GPR141: variants seen among roughly 807,000 people sequenced by gnomAD.
GPR141 encodes G protein-coupled receptor 141, also known as probable G protein-coupled receptor 141.
Under a neutral mutation model 6.8 loss-of-function variants are expected in GPR141, and 6 were observed. The observed-to-expected ratio is 0.88, with a 90% CI of 0.48 to 1.74. The LOEUF (loss-of-function observed/expected upper bound fraction) is 1.74. GPR141 is among the 40% of genes most tolerant of loss of function. The pLI, the probability that GPR141 is intolerant of heterozygous loss-of-function variation, is 0.01. For missense variants in GPR141, 372 were observed against 372.9 expected, an observed-to-expected ratio of 1.00 and a Z score of 0.02; for synonymous variants, 140 against 142.3, an observed-to-expected ratio of 0.98 and a Z score of 0.11.
chr7:37,696,122 G>A (rs1368131436), intron 2 of GPR141, among the ~76,000 whole-genome samples: 1 of 152,176 alleles, frequency 6.6e-6, no homozygotes, highest in Admixed American at 6.5e-5. Flanking sequence ...ATAATAGTGT[G>A]AAAGCAATAC....
At chr7:37,731,307 G>T (rs557948462) in intron 2 of GPR141, among the ~76,000 whole-genome samples, 1 of 152,326 alleles carries the variant, frequency 6.6e-6, no homozygotes, top group South Asian at 2.1e-4. Context: ...GTGGGGAGGT[G>T]ATTGTCCAGC....
At chr7:37,699,650 C>G (rs1810191560) in intron 2 of GPR141, among the ~76,000 whole-genome samples, 1 of 152,124 alleles carries the variant, frequency 6.6e-6, no homozygotes, top group African/African-American at 2.4e-5. Flanking sequence ...GGCCCTTTGG[C>G]TATAGTTTGC....
chr7:37,735,559 C>T (rs916014579), intron 2 of GPR141, among the ~76,000 whole-genome samples: 5 of 152,088 alleles, frequency 3.3e-5, no homozygotes, highest in African/African-American at 1.2e-4. Context: ...GCAAACAAGG[C>T]TTGACTCAAA....
chr7:37,713,737 C>T (rs1810916378), intron 2 of GPR141, among the ~76,000 whole-genome samples: 1 of 152,142 alleles, frequency 6.6e-6, no homozygotes, highest in South Asian at 2.1e-4. Context: ...GCAGAATACC[C>T]ATCAGTTATA....
intron 2 of GPR141, among the ~76,000 whole-genome samples, chr7:37,720,738 CAAAAAAA>C (rs543342332): frequency 1.7e-5 from 1 of 58,686 alleles, no homozygotes; most frequent in African/African-American, 6.2e-5. Flanking sequence ...GACTCCGTCT[CAAAAAAA>C]AAAAAAAAAA....
rs553570959 is a variant in GPR141 at position 37,743,777 on chromosome 7, A to G, written c.*2466A>G. On this transcript the variant is annotated 3_prime_UTR_variant, in exon 3 of 3. Coordinates refer to ENST00000334425, the MANE Select transcript of GPR141 (RefSeq NM_001381946.1). ...TGTTCTCAAAAGATAGAAATGCAAT[A>G]TTTCATAATATAAAATATCTTTTTC... Among the ~76,000 whole-genome samples the G allele has an allele frequency of 6.6e-6, 1 of 152,300 alleles. No individual in the cohort carries two copies. The highest frequency in any genetic ancestry group is 2.4e-5 in the African/African-American group (1 of 41,580).
In GPR141 at chr7:37,685,536, G is replaced by C. The variant is rs1469301087; in HGVS notation, c.-62G>C. 1 of 151,866 alleles carries C rather than the reference G, an allele frequency of 6.6e-6. No homozygotes were observed. Among genetic ancestry groups the C allele is most frequent in the African/African-American group, 2.4e-5 (1 of 41,304 alleles). 9.4% of individuals were successfully genotyped at this position (151,866 alleles called of 1,614,324 possible). On this transcript the variant is annotated 5_prime_UTR_variant, in exon 2 of 3. Coordinates refer to ENST00000334425, the MANE Select transcript of GPR141 (RefSeq NM_001381946.1). ...ACTGACTGCAGCATCGACCTCCGGGGCTCAAGTGATCCTTTCATCTCAGCC... is the reference window on the plus strand; with the variant it reads ...ACTGACTGCAGCATCGACCTCCGGGCCTCAAGTGATCCTTTCATCTCAGCC...
intron 2 of GPR141, among the ~76,000 whole-genome samples, chr7:37,725,645 T>A (rs2131828931): frequency 6.6e-6 from 1 of 152,300 alleles, no homozygotes; most frequent in East Asian, 1.9e-4. Context: ...ACTATAAAAG[T>A]CATTCTTTTT....
chr7:37,710,361 T>C (rs1202513527), intron 2 of GPR141, among the ~76,000 whole-genome samples: 3 of 152,142 alleles, frequency 2.0e-5, no homozygotes, highest in Non-Finnish European at 4.4e-5. Context: ...CTGCCCTGAG[T>C]GATTTACTCT....
At chr7:37,710,476 T>C (rs371857538) in intron 2 of GPR141, among the ~76,000 whole-genome samples, 14 of 152,236 alleles carry the variant, frequency 9.2e-5, no homozygotes, top group Non-Finnish European at 1.8e-4. Context: ...CTCTACAAGA[T>C]GGTTTTTGAA....
chr7:37,714,656 A>G (rs1009189871), intron 2 of GPR141, among the ~76,000 whole-genome samples: 1 of 152,242 alleles, frequency 6.6e-6, no homozygotes, highest in Admixed American at 6.5e-5. Context: ...AAGAAAGCCA[A>G]TTGAAATTTC....
At chr7:37,730,367 C>A (rs996334050) in intron 2 of GPR141, among the ~76,000 whole-genome samples, 1 of 152,184 alleles carries the variant, frequency 6.6e-6, no homozygotes, top group Non-Finnish European at 1.5e-5. Flanking sequence ...CTATCCTGGG[C>A]ACCTTGTAAG....
chr7:37,685,127 G>C (rs1485205602), intron 1 of GPR141: 1 of 152,158 alleles, frequency 6.6e-6, no homozygotes, highest in Admixed American at 6.5e-5. Context: ...ATAAAAACAA[G>C]AAGTGAGCCA....
At chr7:37,739,521 G>A (rs999594679) in intron 2 of GPR141, among the ~76,000 whole-genome samples, 2 of 152,290 alleles carry the variant, frequency 1.3e-5, no homozygotes, top group South Asian at 2.1e-4. Context: ...ATGGGAAGCC[G>A]TTGAAGGGAT....
intron 2 of GPR141, among the ~76,000 whole-genome samples, chr7:37,732,018 CTTTG>C (rs1231449105): frequency 3.8e-5 from 5 of 132,580 alleles, no homozygotes; most frequent in African/African-American, 1.4e-4. Context: ...AGAGAGGTTT[CTTTG>C]TTTGTTTTTT....
chr7:37,693,403 T>C (rs1186411176), intron 2 of GPR141, among the ~76,000 whole-genome samples: 2 of 152,214 alleles, frequency 1.3e-5, no homozygotes, highest in East Asian at 1.9e-4. Context: ...TTGGTTACTG[T>C]AGCCTTGTAG....
Position 37,740,820 on chromosome 7 carries a change from G to A in GPR141, c.427G>A (p.Val143Met), listed in dbSNP as rs768128761. 17 of 1,614,052 alleles carry A rather than the reference G, an allele frequency of 1.1e-5. No homozygotes were observed. The South Asian group carries it at 1.5e-4, about 15-fold the overall frequency. ...TGCCAGTGCTGGCATGTGGACGCTGGTGATTGTCATTGTGGTACCCCTGGT... is the reference window on the plus strand; with the variant it reads ...TGCCAGTGCTGGCATGTGGACGCTGATGATTGTCATTGTGGTACCCCTGGT... ...VAASAGMWTL[V>M]IVIVVPLVVS... The change falls in exon 3 of 3, where the codon GTG becomes ATG. Residue 143 changes from valine (V) to methionine (M), a missense_variant. Coordinates refer to ENST00000334425, the MANE Select transcript of GPR141 (RefSeq NM_001381946.1).
intron 2 of GPR141, among the ~76,000 whole-genome samples, chr7:37,708,149 A>C (rs1810610827): frequency 1.3e-5 from 2 of 152,056 alleles, no homozygotes; most frequent in South Asian, 4.1e-4. Context: ...AGATGTAATG[A>C]TAAAATTTTA....
chr7:37,687,541 T>C (rs7784238), intron 2 of GPR141, among the ~76,000 whole-genome samples: 59,224 of 151,948 alleles, frequency 0.39, 11,997 homozygotes, highest in African/African-American at 0.48. Context: ...TTAGCAGTTC[T>C]ACTGAGGACA....
Sources: gnomAD v4.1 joint callset for allele counts (sites outside exome capture counted in the v4.1 genomes callset) on GRCh38, gnomAD v4.1.1 for gene constraint, MANE v1.5 for transcripts, NCBI Gene and HGNC (gene_info 2026-07-23, HGNC 2026-07-21) for gene names.